The following BLOC1S3 variants were observed in gnomAD, a reference collection of about 807,000 sequenced individuals.
The protein encoded by BLOC1S3 is biogenesis of lysosome-related organelles complex 1 subunit 3.
BLOC1S3 carries 7 observed loss-of-function variants against 9.1 expected under a neutral mutation model. The ratio of observed to expected loss-of-function variants is 0.77; its 90% CI spans 0.44 to 1.45. The LOEUF is 1.45. Among genes scored for constraint, BLOC1S3 ranks in the 40% most tolerant of loss-of-function variants. The pLI is 0.01. For missense variants in BLOC1S3, 307 were observed against 315.2 expected (o/e 0.97, Z 0.20); for synonymous variants, 145 against 158.4 (o/e 0.92, Z 0.64).
intron 3 of BLOC1S3, among the ~76,000 whole-genome samples, chr19:45,203,798 A>G (rs1387881656): frequency 6.6e-6 from 1 of 152,056 alleles, no homozygotes; most frequent in Non-Finnish European, 1.5e-5. Flanking sequence ...TCCCTACCCC[A>G]AATGCACAGA....
intron 3 of BLOC1S3, among the ~76,000 whole-genome samples, chr19:45,216,449 C>T (rs780831557): frequency 7.2e-5 from 11 of 152,008 alleles, no homozygotes; most frequent in Non-Finnish European, 1.5e-4. Flanking sequence ...CGTGGTGGTG[C>T]ACACCTGTAA....
downstream of BLOC1S3, among the ~76,000 whole-genome samples, chr19:45,183,217 C>T (rs190218569): frequency 2.7e-3 from 403 of 151,984 alleles, no homozygotes; most frequent in African/African-American, 9.6e-3. Flanking sequence ...CAGTGGCTCA[C>T]GCCTGTAATT....
At chr19:45,188,031 AT>A (rs147597848) in intron 2 of BLOC1S3, among the ~76,000 whole-genome samples, 7 of 151,130 alleles carry the variant, frequency 4.6e-5, no homozygotes, top group African/African-American at 9.7e-5. Flanking sequence ...CCAATTACAC[AT>A]TTTTTTTTGA....
downstream of BLOC1S3, among the ~76,000 whole-genome samples, chr19:45,182,118 T>C (rs986860503): frequency 3.9e-5 from 6 of 152,310 alleles, no homozygotes; most frequent in African/African-American, 9.6e-5. Flanking sequence ...TCATAATTTA[T>C]AGTTTAATTT....
chr19:45,212,102 C>G (rs1599758167), intron 3 of BLOC1S3, among the ~76,000 whole-genome samples: 1 of 152,346 alleles, frequency 6.6e-6, no homozygotes, highest in Middle Eastern at 3.4e-3. Flanking sequence ...AAGATGGAGC[C>G]ACCAGGACCA....
intron 3 of BLOC1S3, among the ~76,000 whole-genome samples, chr19:45,204,868 A>G (rs1225867686): frequency 1.3e-5 from 2 of 151,550 alleles, no homozygotes; most frequent in Non-Finnish European, 2.9e-5. Context: ...AGTAGCTGGG[A>G]TTACAGGCAT....
Position 45,179,513 on chromosome 19 carries a change from C to A in BLOC1S3, c.217C>A (p.Pro73Thr). ...CTCGGAGCCGGAGCCGGAGCCGGAA[C>A]CGACGGCCGCGCCGAGGGACCTGCC... ...TDSEPEPEPE[P>T]TAAPRDLPPL... Residue 73 changes from proline to threonine, a missense_variant, in exon 2 of 2, where the codon CCG becomes ACG. Coordinates refer to ENST00000433642, the MANE Select transcript of BLOC1S3 (RefSeq NM_212550.5). This position sits in a 1 kb window ranked among gnomAD's most constrained non-coding sequence, Gnocchi z 4.6. 1 of 1,523,666 alleles carries A rather than the reference C, an allele frequency of 6.6e-7. No homozygotes were observed. Among genetic ancestry groups the A allele is most frequent in the Non-Finnish European group, 8.8e-7 (1 of 1,142,810 alleles). 94.4% of individuals were successfully genotyped at this position (1,523,666 alleles called of 1,614,324 possible).
downstream of BLOC1S3, among the ~76,000 whole-genome samples, chr19:45,186,324 ATATTAT>A (rs372960041): frequency 3.7e-4 from 57 of 152,080 alleles, no homozygotes; most frequent in East Asian, 4.4e-3. Flanking sequence ...GCCAAATCGT[ATATTAT>A]TATTATTATT....
chr19:45,203,473 C>T (rs1299309418), intron 3 of BLOC1S3, among the ~76,000 whole-genome samples: 1 of 152,076 alleles, frequency 6.6e-6, no homozygotes, highest in African/African-American at 2.4e-5. Context: ...GGGGTTTCAC[C>T]ATGTTGGTGA....
chr19:45,212,698 G>T (rs541830765), intron 3 of BLOC1S3: 64 of 173,848 alleles, frequency 3.7e-4, no homozygotes, highest in Non-Finnish European at 6.1e-4. Context: ...GAACTCCAGT[G>T]ATCCTCCAGC....
chr19:45,206,476 G>A (rs1314534612), intron 3 of BLOC1S3, among the ~76,000 whole-genome samples: 1 of 18,210 alleles, frequency 5.5e-5, no homozygotes, highest in East Asian at 1.2e-3. Context: ...TTTTTTTTGA[G>A]CAAGGATCTC....
In BLOC1S3 at chr19:45,188,720, G is replaced by A. The variant is rs966494391; in HGVS notation, n.180+980G>A. Among the ~76,000 whole-genome samples, 5 of 151,666 alleles carry A rather than the reference G, an allele frequency of 3.3e-5. No individual in the cohort carries two copies. In the South Asian group the frequency reaches 6.2e-4, roughly 19 times the overall value. ...CCCAAGTAGCTGGGATTACAGGCAC[G>A]CGCCCCCATGCCTGGCTAATTTTTT... is the stretch of plus-strand genomic sequence containing the variant. On this transcript the variant is annotated intron_variant and non_coding_transcript_variant, in intron 2 of 3. Coordinates refer to the BLOC1S3 transcript ENST00000591569.
intron 3 of BLOC1S3, among the ~76,000 whole-genome samples, chr19:45,206,434 C>T (rs1232976527): frequency 1.2e-4 from 8 of 67,120 alleles, no homozygotes; most frequent in Non-Finnish European, 1.5e-4. Context: ...TTTCCACCTT[C>T]TTTTGGATTA....
rs577534369 is a variant in BLOC1S3, at chr19:45,195,675, A to G, written n.181-6731A>G. On this transcript the variant is annotated intron_variant and non_coding_transcript_variant, in intron 2 of 3. Coordinates refer to the BLOC1S3 transcript ENST00000591569. ...AATGGCATGACCTCAGTGCACTGCA[A>G]TCTCCGCCTCCTGGCTTCAAGTGAT... Among the ~76,000 whole-genome samples the G allele has an allele frequency of 2.3e-4, 34 of 149,472 alleles. 2 individuals carry two copies. Among genetic ancestry groups the G allele is most frequent in the African/African-American group, 4.9e-5 (2 of 40,460 alleles).
At position 45,214,188 on chromosome 19, in the gene BLOC1S3, C is replaced by G. The variant is rs182484545; in HGVS notation, n.283-2488C>G. ...GGGACTCCAGGAATATGTGCCTTCC[C>G]AAGGACATGACCTTATCCCCCAGAA... On this transcript the variant is annotated intron_variant and non_coding_transcript_variant, in intron 3 of 3. Transcript: ENST00000591569. 1.2e-4 allele frequency among the ~76,000 whole-genome samples: 19 copies of G among 152,270 alleles called. No individual in the cohort carries two copies. The East Asian group carries it at 3.7e-3, about 29-fold the overall frequency.
chr19:45,213,731 G>A (rs1969803823), intron 3 of BLOC1S3, among the ~76,000 whole-genome samples: 1 of 151,876 alleles, frequency 6.6e-6, no homozygotes, highest in Non-Finnish European at 1.5e-5. Context: ...GATCACCTGA[G>A]GTCAGGAGTT....
chr19:45,208,125 C>A (rs1398463593), intron 3 of BLOC1S3, among the ~76,000 whole-genome samples: 1 of 151,736 alleles, frequency 6.6e-6, no homozygotes, highest in Non-Finnish European at 1.5e-5. Flanking sequence ...TAGGCACCTG[C>A]CACCACGCCC....
intron 3 of BLOC1S3, among the ~76,000 whole-genome samples, chr19:45,211,938 G>A (rs1278199992): frequency 1.3e-5 from 2 of 152,168 alleles, no homozygotes; most frequent in South Asian, 2.1e-4. Context: ...AGGATCCGGC[G>A]GGGCTGGGGG....
chr19:45,186,127 G>T (rs1969564298), downstream of BLOC1S3, among the ~76,000 whole-genome samples: 1 of 151,560 alleles, frequency 6.6e-6, no homozygotes. Context: ...TAAAAAAAAA[G>T]AAACCTCTGG....
Sources: gnomAD v4.1 joint callset for allele counts (sites outside exome capture counted in the v4.1 genomes callset) on GRCh38, gnomAD v4.1.1 for gene constraint, Gnocchi (gnomAD v3.1) non-coding constraint, MANE v1.5 for transcripts, NCBI Gene and HGNC (gene_info 2026-07-23, HGNC 2026-07-21) for gene names.